FAM13A: variants seen among roughly 807,000 people sequenced by gnomAD.
FAM13A encodes family with sequence similarity 13 member A.
A neutral mutation model predicts 129.6 loss-of-function variants in FAM13A; 76 were observed. The observed-to-expected ratio is 0.59, with a 90% CI of 0.49 to 0.71. The LOEUF is 0.71. Ranked by LOEUF, FAM13A falls within the 30% of genes least tolerant of loss-of-function variation. The pLI, the probability that FAM13A is intolerant of heterozygous loss-of-function variation, is 0.00. For synonymous variants in FAM13A, 443 were observed against 449.9 expected (o/e 0.98, Z 0.20); for missense variants, 1,108 against 1,249.3 (o/e 0.89, Z 1.70).
chr4:88,816,523 C>T (rs1316713351), intron 7 of FAM13A, among the ~76,000 whole-genome samples: 2 of 152,138 alleles, frequency 1.3e-5, no homozygotes, highest in African/African-American at 2.4e-5. Flanking sequence ...TGCCCTGTCC[C>T]GAGTCACTTT....
chr4:88,812,123 G>C (rs1729762237), intron 7 of FAM13A, among the ~76,000 whole-genome samples: 1 of 152,094 alleles, frequency 6.6e-6, no homozygotes, highest in Non-Finnish European at 1.5e-5. Flanking sequence ...CTTTGAGCTT[G>C]GACTTCCCAG....
At chr4:88,914,423 C>T (rs1367920265) in intron 5 of FAM13A, among the ~76,000 whole-genome samples, 1 of 152,198 alleles carries the variant, frequency 6.6e-6, no homozygotes, top group Admixed American at 6.5e-5. Context: ...CATTTCCCCT[C>T]TCCTCGTTAT....
At chr4:89,038,722 CT>C (rs1426693803) in intron 1 of FAM13A, among the ~76,000 whole-genome samples, 1 of 152,104 alleles carries the variant, frequency 6.6e-6, no homozygotes, top group East Asian at 1.9e-4. Flanking sequence ...TTAAGGCCTT[CT>C]TTACAGAAGA....
chr4:88,773,054 A>T (rs1283452567), intron 11 of FAM13A, among the ~76,000 whole-genome samples: 1 of 152,152 alleles, frequency 6.6e-6, no homozygotes, highest in Non-Finnish European at 1.5e-5. Flanking sequence ...AAGCTGTTGG[A>T]GTTCTTGATG....
chr4:88,945,671 A>C (rs1579416143), intron 4 of FAM13A, among the ~76,000 whole-genome samples: 1 of 150,570 alleles, frequency 6.6e-6, no homozygotes, highest in East Asian at 1.9e-4. Context: ...TTCAAATTGT[A>C]CTAGTGGTCT....
At chr4:88,987,281 GA>G in intron 4 of FAM13A, among the ~76,000 whole-genome samples, 1 of 152,072 alleles carries the variant, frequency 6.6e-6, no homozygotes, top group East Asian at 1.9e-4. Flanking sequence ...AACCCAAAAA[GA>G]AAAAACTGAA....
Position 88,726,713 on chromosome 4 carries a change from C to T in FAM13A, c.*1820G>A, listed in dbSNP as rs1162780356. On this transcript the variant is annotated 3_prime_UTR_variant, in exon 24 of 24. Coordinates refer to ENST00000264344, the MANE Select transcript of FAM13A (RefSeq NM_014883.4). ...CAAAAATAGGAAACATCCTAAAGTG[C>T]ATCATTTTATTTATAATCTCACTCC... 6.6e-6 allele frequency: 1 copy of T among 152,620 alleles called. No individual in the cohort carries two copies. The highest frequency in any genetic ancestry group is 1.5e-5 in the Non-Finnish European group (1 of 68,032). The allele number at this position is 152,620 out of a possible 1,614,324, so 9.5% of individuals were successfully genotyped here.
intron 4 of FAM13A, among the ~76,000 whole-genome samples, chr4:88,989,097 A>C (rs867486185): frequency 1.8e-4 from 28 of 151,460 alleles, no homozygotes; most frequent in African/African-American, 6.5e-4. Context: ...AATCCCAGCT[A>C]CTCAAGAGAC....
At chr4:88,749,382 A>C (rs1742065175) in intron 16 of FAM13A, among the ~76,000 whole-genome samples, 1 of 152,210 alleles carries the variant, frequency 6.6e-6, no homozygotes, top group South Asian at 2.1e-4. Flanking sequence ...CAACCGTCAC[A>C]AAAATGCCTT....
At chr4:88,799,032 AT>A (rs1276206576) in intron 8 of FAM13A, among the ~76,000 whole-genome samples, 1 of 152,242 alleles carries the variant, frequency 6.6e-6, no homozygotes, top group African/African-American at 2.4e-5. Context: ...TATGCTTAAT[AT>A]TTTTATTAAC....
At chr4:88,821,891 T>C (rs889459266) in intron 7 of FAM13A, among the ~76,000 whole-genome samples, 3 of 152,214 alleles carry the variant, frequency 2.0e-5, no homozygotes, top group East Asian at 1.9e-4. Context: ...AAAATGACTA[T>C]ACTGTTTTAT....
Position 88,739,217 on chromosome 4 carries a change from A to G in FAM13A, c.2467-92T>C, listed in dbSNP as rs1313748516. ...GCTCTGGGCCTTTGTAATTCTAGAG[A>G]AACTCCAGATGATGCAACTTAAGTC... On this transcript the variant is annotated intron_variant, in intron 19 of 23. Transcript: ENST00000264344. 8 of 819,456 alleles carry G rather than the reference A, an allele frequency of 9.8e-6. No individual in the cohort carries two copies. In the East Asian group the frequency reaches 1.9e-4, roughly 20 times the overall value. 50.8% of individuals were successfully genotyped at this position (819,456 alleles called of 1,614,324 possible).
chr4:89,045,694 G>A (rs1193707320), intron 1 of FAM13A, among the ~76,000 whole-genome samples: 1 of 152,224 alleles, frequency 6.6e-6, no homozygotes, highest in Non-Finnish European at 1.5e-5. Context: ...GACCTTGGCA[G>A]AGTATAAAAG....
chr4:88,901,514 T>C (rs766687295), intron 6 of FAM13A, among the ~76,000 whole-genome samples: 9 of 151,962 alleles, frequency 5.9e-5, no homozygotes, highest in Admixed American at 6.6e-5. Flanking sequence ...TACATGGAAA[T>C]TGAACAACCT....
intron 4 of FAM13A, among the ~76,000 whole-genome samples, chr4:88,940,642 A>G (rs1260254481): frequency 3.9e-5 from 6 of 152,214 alleles, no homozygotes; most frequent in Non-Finnish European, 8.8e-5. Context: ...GTGTGACTAT[A>G]TAGACTTTTG....
At chr4:88,782,069 T>G (rs1193099768) in intron 10 of FAM13A, among the ~76,000 whole-genome samples, 1 of 151,806 alleles carries the variant, frequency 6.6e-6, no homozygotes, top group Non-Finnish European at 1.5e-5. Flanking sequence ...TAATAGATAA[T>G]CTTAGTAGAA....
At chr4:89,033,136 ACTCTCTCTCT>A (rs34237387) in intron 1 of FAM13A, among the ~76,000 whole-genome samples, 4 of 149,972 alleles carry the variant, frequency 2.7e-5, no homozygotes, top group Non-Finnish European at 4.5e-5. Context: ...ACACACACAC[ACTCTCTCTCT>A]CTCTCTCTCT....
intron 7 of FAM13A, among the ~76,000 whole-genome samples, chr4:88,805,545 T>C (rs1728385693): frequency 6.6e-6 from 1 of 152,210 alleles, no homozygotes; most frequent in African/African-American, 2.4e-5. Context: ...CTCTTTGTCC[T>C]TCTGTAGTTA....
chr4:88,906,968 T>A (rs1008233782), intron 5 of FAM13A, among the ~76,000 whole-genome samples: 1 of 152,226 alleles, frequency 6.6e-6, no homozygotes, highest in Non-Finnish European at 1.5e-5. Flanking sequence ...GAAGAATATA[T>A]GAGTATCTGT....
Sources: gnomAD v4.1 joint callset for allele counts (sites outside exome capture counted in the v4.1 genomes callset) on GRCh38, gnomAD v4.1.1 for gene constraint, MANE v1.5 for transcripts, NCBI Gene and HGNC (gene_info 2026-07-23, HGNC 2026-07-21) for gene names.